Variants in AUTS2 observed in about 807,000 individuals in gnomAD.
AUTS2 encodes activator of transcription and developmental regulator AUTS2.
In AUTS2, 17 loss-of-function variants were observed where a neutral mutation model predicts 112.4. That is an observed-to-expected ratio of 0.15 (90% CI 0.10 to 0.23). The LOEUF (loss-of-function observed/expected upper bound fraction) is 0.23, where lower values mean the gene tolerates loss of function less well. AUTS2 is among the 10% of genes least tolerant of loss of function. AUTS2 has a pLI of 1.00. For synonymous variants in AUTS2, 751 were observed against 702.7 expected (o/e 1.07, Z -1.09); for missense variants, 1,510 against 1,701.6 (o/e 0.89, Z 1.98).
intron 1 of AUTS2, among the ~76,000 whole-genome samples, chr7:69,848,539 C>G (rs1792316095): frequency 6.6e-6 from 1 of 152,120 alleles, no homozygotes; most frequent in South Asian, 2.1e-4. Flanking sequence ...CCATGCCCTC[C>G]CAGGTACAGT....
chr7:70,712,065 C>T (rs956873135), intron 6 of AUTS2, among the ~76,000 whole-genome samples: 2 of 151,898 alleles, frequency 1.3e-5, no homozygotes, highest in African/African-American at 2.4e-5. Flanking sequence ...CACTCTGTCG[C>T]CCAGGCTGGA....
intron 2 of AUTS2, among the ~76,000 whole-genome samples, chr7:69,958,140 A>G (rs1409177130): frequency 4.6e-5 from 7 of 152,172 alleles, no homozygotes; most frequent in Admixed American, 3.3e-4. Flanking sequence ...GCCATCTTCA[A>G]CAGCAGGAGT....
chr7:70,623,979 C>T (rs1183230192), intron 5 of AUTS2, among the ~76,000 whole-genome samples: 5 of 152,238 alleles, frequency 3.3e-5, no homozygotes, highest in Admixed American at 1.3e-4. Flanking sequence ...TACTCCCTCT[C>T]TCTGGTAATC....
chr7:70,620,588 T>A (rs1804621865), intron 5 of AUTS2, among the ~76,000 whole-genome samples: 1 of 152,146 alleles, frequency 6.6e-6, no homozygotes, highest in Non-Finnish European at 1.5e-5. Context: ...CCTTGAATTG[T>A]CCTGAACCTT....
At chr7:70,536,228 G>T (rs919046245) in intron 5 of AUTS2, among the ~76,000 whole-genome samples, 1 of 152,154 alleles carries the variant, frequency 6.6e-6, no homozygotes, top group Non-Finnish European at 1.5e-5. Flanking sequence ...GGCAGAGGTT[G>T]CAGTGAGCCG....
intron 5 of AUTS2, among the ~76,000 whole-genome samples, chr7:70,670,917 G>T (rs552979772): frequency 1.3e-5 from 2 of 152,158 alleles, no homozygotes; most frequent in African/African-American, 2.4e-5. Context: ...CACGCATGTA[G>T]TCCCAGCATT....
intron 1 of AUTS2, among the ~76,000 whole-genome samples, chr7:69,829,604 C>T (rs1325809955): frequency 6.6e-6 from 1 of 152,138 alleles, no homozygotes. Context: ...CAAAAGAAGA[C>T]ATTTATGCGG....
At chr7:70,671,317 G>T (rs1470443579) in intron 5 of AUTS2, among the ~76,000 whole-genome samples, 3 of 152,230 alleles carry the variant, frequency 2.0e-5, no homozygotes, top group Non-Finnish European at 4.4e-5. Flanking sequence ...TTCATAAAAT[G>T]ACTTAGATTT....
intron 4 of AUTS2, among the ~76,000 whole-genome samples, chr7:70,420,943 C>CA (rs1209478941): frequency 1.3e-5 from 2 of 151,968 alleles, no homozygotes; most frequent in Non-Finnish European, 2.9e-5. Context: ...AATAAAGCCA[C>CA]AAAAAAATAG....
At chr7:69,689,668 AT>A (rs1189090933) in intron 1 of AUTS2, among the ~76,000 whole-genome samples, 1 of 122,028 alleles carries the variant, frequency 8.2e-6, no homozygotes, top group East Asian at 2.5e-4. Flanking sequence ...TTATTTATTT[AT>A]TTATTTATTT....
chr7:70,371,763 T>G (rs1263706221), intron 4 of AUTS2, among the ~76,000 whole-genome samples: 1 of 152,188 alleles, frequency 6.6e-6, no homozygotes, highest in African/African-American at 2.4e-5. Context: ...CTGATAGATA[T>G]CCTAGTGGTT....
chr7:70,446,696 A>G (rs1796333023), intron 5 of AUTS2, among the ~76,000 whole-genome samples: 1 of 152,200 alleles, frequency 6.6e-6, no homozygotes, highest in South Asian at 2.1e-4. Flanking sequence ...TACAGAGTGC[A>G]TTAAAATTTT....
chr7:70,504,571 G>A (rs1156268770), intron 5 of AUTS2, among the ~76,000 whole-genome samples: 1 of 152,166 alleles, frequency 6.6e-6, no homozygotes, highest in Non-Finnish European at 1.5e-5. Context: ...CCGGCACCGA[G>A]GAGCAGTAGC....
chr7:70,066,940 A>C (rs1802526179), intron 2 of AUTS2, among the ~76,000 whole-genome samples: 1 of 152,216 alleles, frequency 6.6e-6, no homozygotes, highest in African/African-American at 2.4e-5. Context: ...CTCCCCTGAG[A>C]GCTATTTACA....
intron 4 of AUTS2, among the ~76,000 whole-genome samples, chr7:70,206,375 T>C (rs948373197): frequency 6.6e-6 from 1 of 152,158 alleles, no homozygotes; most frequent in African/African-American, 2.4e-5. Context: ...GTTTTTTGTT[T>C]TTTTTTCCTA....
chr7:69,727,897 T>G (rs1368364399), intron 1 of AUTS2, among the ~76,000 whole-genome samples: 3 of 152,216 alleles, frequency 2.0e-5, no homozygotes, highest in African/African-American at 7.2e-5. Flanking sequence ...CAAAATCCCT[T>G]GATACCCAGA....
chr7:70,024,735 T>C (rs959139777), intron 2 of AUTS2, among the ~76,000 whole-genome samples: 3 of 152,142 alleles, frequency 2.0e-5, no homozygotes, highest in African/African-American at 7.2e-5. Context: ...GGGCAAGCAG[T>C]AGGTTGGAAA....
intron 4 of AUTS2, among the ~76,000 whole-genome samples, chr7:70,270,840 T>C (rs1323130693): frequency 6.6e-6 from 1 of 152,126 alleles, no homozygotes. Flanking sequence ...AGGGAAGACA[T>C]ATCATCTTTA....
intron 2 of AUTS2, among the ~76,000 whole-genome samples, chr7:70,019,643 C>A (rs758299694): frequency 1.3e-5 from 2 of 152,130 alleles, no homozygotes; most frequent in African/African-American, 2.4e-5. Flanking sequence ...TTACCTTTGT[C>A]ATTTTACTTA....
Sources: gnomAD v4.1 joint callset for allele counts (sites outside exome capture counted in the v4.1 genomes callset) on GRCh38, gnomAD v4.1.1 for gene constraint, MANE v1.5 for transcripts, NCBI Gene and HGNC (gene_info 2026-07-23, HGNC 2026-07-21) for gene names.